FBLN7: variants seen among roughly 807,000 people sequenced by gnomAD.
FBLN7 encodes the protein fibulin 7, also known as fibulin-7.
A neutral mutation model predicts 44.0 loss-of-function variants in FBLN7; 31 were observed. That is an observed-to-expected ratio of 0.70 (90% CI 0.53 to 0.95). The LOEUF is 0.95. Among genes scored for constraint, FBLN7 ranks in the 40% least tolerant of loss-of-function variants. The probability of loss-of-function intolerance (pLI) is 0.00; values close to 1 mark genes in which losing one functional copy is unlikely to be tolerated. For missense variants in FBLN7, 573 were observed against 618.5 expected, an observed-to-expected ratio of 0.93 and a Z score of 0.78; for synonymous variants, 262 against 253.4, an observed-to-expected ratio of 1.03 and a Z score of -0.32.
At chr2:112,149,928 C>T (rs1681072313) in intron 1 of FBLN7, among the ~76,000 whole-genome samples, 1 of 152,180 alleles carries the variant, frequency 6.6e-6, no homozygotes, top group African/African-American at 2.4e-5. Flanking sequence ...GAGGCAGCCT[C>T]GATGGGAAGT....
At chr2:112,224,821 G>A in the FBLN7 span, among the ~76,000 whole-genome samples, 1 of 152,210 alleles carries the variant, frequency 6.6e-6, no homozygotes, top group African/African-American at 2.4e-5. Flanking sequence ...CTGAGAGAAG[G>A]AGAAGAATGA....
the FBLN7 span, chr2:112,240,495 G>C: frequency 4.6e-4 from 70 of 152,296 alleles, no homozygotes; most frequent in African/African-American, 1.7e-3. Context: ...CAGTGCATCT[G>C]AATCAAAATA....
chr2:112,180,493 T>C (rs923840171), intron 4 of FBLN7, among the ~76,000 whole-genome samples: 2 of 152,118 alleles, frequency 1.3e-5, no homozygotes, highest in African/African-American at 4.8e-5. Flanking sequence ...TATTACTGGG[T>C]ATATACCCAG....
At chr2:112,219,126 G>A in the FBLN7 span, among the ~76,000 whole-genome samples, 2 of 152,104 alleles carry the variant, frequency 1.3e-5, no homozygotes, top group Non-Finnish European at 2.9e-5. Context: ...GGGATCTGAA[G>A]GAACAAATAG....
chr2:112,200,151 A>G, the FBLN7 span, among the ~76,000 whole-genome samples: 1 of 152,120 alleles, frequency 6.6e-6, no homozygotes, highest in Non-Finnish European at 1.5e-5. Context: ...AGAGACATCA[A>G]CTCCCAACTC....
intron 1 of FBLN7, among the ~76,000 whole-genome samples, chr2:112,158,071 G>T (rs1446734407): frequency 6.6e-6 from 1 of 151,668 alleles, no homozygotes; most frequent in Non-Finnish European, 1.5e-5. Flanking sequence ...ATAATTTTTT[G>T]TATTTTTAGT....
At chr2:112,183,553 C>T (rs965425301) in intron 6 of FBLN7, among the ~76,000 whole-genome samples, 3 of 152,182 alleles carry the variant, frequency 2.0e-5, no homozygotes, top group African/African-American at 7.2e-5. Context: ...CAGCCTCCAT[C>T]AGAACCACAT....
At chr2:112,186,323 A>C (rs1683265502) in intron 7 of FBLN7, among the ~76,000 whole-genome samples, 1 of 152,216 alleles carries the variant, frequency 6.6e-6, no homozygotes. Flanking sequence ...ATGATTAAGG[A>C]AAACAGGGCT....
At chr2:112,140,526 C>T (rs1034950286) in intron 1 of FBLN7, among the ~76,000 whole-genome samples, 1 of 152,132 alleles carries the variant, frequency 6.6e-6, no homozygotes, top group Non-Finnish European at 1.5e-5. Flanking sequence ...TGGCCGGGCC[C>T]CTGGGAGGAC....
At chr2:112,210,123 G>A in the FBLN7 span, among the ~76,000 whole-genome samples, 8 of 151,718 alleles carry the variant, frequency 5.3e-5, no homozygotes, top group Non-Finnish European at 1.2e-4. Flanking sequence ...GACATGAGGT[G>A]TTGGAGCCCA....
downstream of FBLN7, among the ~76,000 whole-genome samples, chr2:112,191,471 G>A (rs1254969084): frequency 6.6e-6 from 1 of 152,054 alleles, no homozygotes; most frequent in East Asian, 1.9e-4. Flanking sequence ...CACCGCGCCT[G>A]GCCTTGTTTT....
chr2:112,167,416 G>C (rs1047395568), intron 3 of FBLN7, among the ~76,000 whole-genome samples: 2 of 152,150 alleles, frequency 1.3e-5, no homozygotes, highest in African/African-American at 4.8e-5. Flanking sequence ...CCTTTCTAGA[G>C]GATCCTGGGT....
intron 1 of FBLN7, among the ~76,000 whole-genome samples, chr2:112,150,152 C>A (rs1266234535): frequency 6.6e-6 from 1 of 152,184 alleles, no homozygotes; most frequent in Non-Finnish European, 1.5e-5. Flanking sequence ...TCCCTCTGGA[C>A]CTTAGATGGA....
chr2:112,243,109 G>A, the FBLN7 span, among the ~76,000 whole-genome samples: 1 of 152,222 alleles, frequency 6.6e-6, no homozygotes, highest in African/African-American at 2.4e-5. Context: ...GTTCACAGGT[G>A]TTACTGACAC....
rs543385306 is a variant in FBLN7 at position 112,169,045 on chromosome 2, C to T, written c.406+3874C>T. On this transcript the variant is annotated intron_variant, in intron 3 of 7. Transcript: ENST00000331203. ...CCGGCACTTTGTGAGGCCAGGGCAG[C>T]AGATCACCTGAGGTCAGGAGTTCAA... is the stretch of plus-strand genomic sequence containing the variant. Among the ~76,000 whole-genome samples, 186 of 152,296 alleles carry T rather than the reference C, an allele frequency of 1.2e-3. 1 individual carries two copies. Among genetic ancestry groups the T allele is most frequent in the African/African-American group, 3.8e-3 (159 of 41,562 alleles).
the FBLN7 span, among the ~76,000 whole-genome samples, chr2:112,207,512 T>C: frequency 2.0e-5 from 3 of 151,732 alleles, no homozygotes; most frequent in Admixed American, 1.3e-4. Flanking sequence ...GTTTGAGGTA[T>C]ATTCAATAAA....
chr2:112,169,548 G>A (rs1391707637), intron 3 of FBLN7, among the ~76,000 whole-genome samples: 1 of 152,250 alleles, frequency 6.6e-6, no homozygotes, highest in Non-Finnish European at 1.5e-5. Flanking sequence ...TTATCGTCAT[G>A]CTGGTGGAAA....
chr2:112,187,275 C>T lies in FBLN7; in HGVS notation c.1089C>T (p.Pro363=), dbSNP rs147018646. The T allele has an allele frequency of 1.6e-3, 2,509 of 1,614,194 alleles. 10 individuals are homozygous for T. The highest frequency in any genetic ancestry group is 2.0e-3 in the Non-Finnish European group (2,340 of 1,180,044). ...TCCGCATGGCCACAGCCTCTGCCCCCGGCCGAGCTGGGCCCAACAGCCTGC... is the reference window on the plus strand; with the variant it reads ...TCCGCATGGCCACAGCCTCTGCCCCTGGCCGAGCTGGGCCCAACAGCCTGC... ...TLFRMATASA[P]GRAGPNSLRF... The change falls in exon 8 of 8, where the codon CCC becomes CCT. Residue 363 remains proline (P), a synonymous_variant. Coordinates refer to ENST00000331203, the MANE Select transcript of FBLN7 (RefSeq NM_153214.3). The surrounding 1 kb of genome is among the most constrained non-coding windows in gnomAD (Gnocchi z 5.1).
the FBLN7 span, among the ~76,000 whole-genome samples, chr2:112,238,871 A>G: frequency 9.2e-5 from 14 of 152,362 alleles, no homozygotes; most frequent in East Asian, 2.7e-3. Flanking sequence ...GGATTACAGT[A>G]TTACAGTTCA....
Sources: gnomAD v4.1 joint callset for allele counts (sites outside exome capture counted in the v4.1 genomes callset) on GRCh38, gnomAD v4.1.1 for gene constraint, Gnocchi (gnomAD v3.1) non-coding constraint, MANE v1.5 for transcripts, NCBI Gene and HGNC (gene_info 2026-07-23, HGNC 2026-07-21) for gene names.